The following FHIT variants were observed in gnomAD, a reference collection of about 807,000 sequenced individuals.
The protein encoded by FHIT is fragile histidine triad diadenosine triphosphatase, also known as bis(5'-adenosyl)-triphosphatase.
Under a neutral mutation model 17.9 loss-of-function variants are expected in FHIT, and 19 were observed. The observed-to-expected ratio is 1.06, with a 90% CI of 0.74 to 1.56. The LOEUF is 1.56. Among genes scored for constraint, FHIT ranks in the 40% most tolerant of loss-of-function variants. The probability of loss-of-function intolerance (pLI) is 0.00; values close to 1 mark genes in which losing one functional copy is unlikely to be tolerated. For synonymous variants in FHIT, 81 were observed against 69.7 expected (o/e 1.16, Z -0.81); for missense variants, 248 against 189.2 (o/e 1.31, Z -1.82).
intron 5 of FHIT, among the ~76,000 whole-genome samples, chr3:60,327,771 T>C (rs1383085895): frequency 2.0e-5 from 3 of 152,204 alleles, no homozygotes; most frequent in Non-Finnish European, 4.4e-5. Flanking sequence ...TCTGCTGTCC[T>C]GACTAAATGA....
intron 5 of FHIT, among the ~76,000 whole-genome samples, chr3:60,015,920 A>G (rs1187768713): frequency 6.6e-6 from 1 of 152,218 alleles, no homozygotes; most frequent in Non-Finnish European, 1.5e-5. Flanking sequence ...TCCTAGAAAA[A>G]CAACTCAGGG....
At chr3:61,015,067 A>C (rs2032032008) in intron 3 of FHIT, among the ~76,000 whole-genome samples, 1 of 151,812 alleles carries the variant, frequency 6.6e-6, no homozygotes, top group Non-Finnish European at 1.5e-5. Context: ...TCCTAGACAA[A>C]ATGGGGCCTG....
chr3:60,230,077 G>A (rs761842559), intron 5 of FHIT, among the ~76,000 whole-genome samples: 59 of 152,058 alleles, frequency 3.9e-4, no homozygotes, highest in Non-Finnish European at 7.1e-4. Context: ...GTTCAATACC[G>A]TGGCCACTAG....
At chr3:60,130,694 G>T (rs1699504610) in intron 5 of FHIT, among the ~76,000 whole-genome samples, 1 of 151,670 alleles carries the variant, frequency 6.6e-6, no homozygotes, top group African/African-American at 2.4e-5. Context: ...ACTTGAAAGG[G>T]CATCAGTAAG....
chr3:60,206,523 C>T (rs1243133531), intron 5 of FHIT, among the ~76,000 whole-genome samples: 1 of 151,978 alleles, frequency 6.6e-6, no homozygotes, highest in Non-Finnish European at 1.5e-5. Context: ...AAAAAAAACA[C>T]AAGACTATAA....
At chr3:60,472,906 C>G (rs4679478) in intron 5 of FHIT, among the ~76,000 whole-genome samples, 1 of 151,848 alleles carries the variant, frequency 6.6e-6, no homozygotes, top group Non-Finnish European at 1.5e-5. Flanking sequence ...ACAAATGCCT[C>G]AAATACCATT....
At chr3:60,407,167 T>C (rs1374954161) in intron 5 of FHIT, among the ~76,000 whole-genome samples, 1 of 143,972 alleles carries the variant, frequency 6.9e-6, no homozygotes, top group East Asian at 2.1e-4. Flanking sequence ...GTAAAAACAC[T>C]GTAACACACT....
At chr3:59,931,455 T>C (rs933195235) in intron 7 of FHIT, among the ~76,000 whole-genome samples, 1 of 152,174 alleles carries the variant, frequency 6.6e-6, no homozygotes, top group African/African-American at 2.4e-5. Flanking sequence ...TACCTCAGCA[T>C]GATCAACTCA....
At chr3:60,311,908 G>C (rs1024264570) in intron 5 of FHIT, among the ~76,000 whole-genome samples, 7 of 151,502 alleles carry the variant, frequency 4.6e-5, no homozygotes, top group Admixed American at 2.0e-4. Flanking sequence ...TTTTACAGTT[G>C]AGAAAATCAA....
intron 5 of FHIT, among the ~76,000 whole-genome samples, chr3:60,255,588 C>A (rs1705947063): frequency 6.6e-6 from 1 of 152,144 alleles, no homozygotes; most frequent in Non-Finnish European, 1.5e-5. Flanking sequence ...TTTCCAAAAG[C>A]CGCCCCAAAT....
At chr3:61,246,935 T>C (rs546274042) in intron 1 of FHIT, among the ~76,000 whole-genome samples, 1 of 152,138 alleles carries the variant, frequency 6.6e-6, no homozygotes, top group African/African-American at 2.4e-5. Flanking sequence ...TCTCTCCACC[T>C]CCTCCAGCCA....
intron 5 of FHIT, among the ~76,000 whole-genome samples, chr3:60,118,775 G>T (rs1223925000): frequency 2.9e-3 from 101 of 34,512 alleles, no homozygotes; most frequent in African/African-American, 0.013. Flanking sequence ...TGGGGGCGGC[G>T]GGGGGGGGGG....
At chr3:60,354,620 A>T (rs1194766252) in intron 5 of FHIT, among the ~76,000 whole-genome samples, 1 of 113,562 alleles carries the variant, frequency 8.8e-6, no homozygotes. Flanking sequence ...TATTGAGAGG[A>T]TTAGCTCACT....
intron 2 of FHIT, among the ~76,000 whole-genome samples, chr3:61,077,488 A>AC (rs1030381499): frequency 2.1e-4 from 32 of 150,530 alleles, no homozygotes; most frequent in African/African-American, 2.5e-4. Flanking sequence ...AAACAAACAA[A>AC]AAAAAACAGC....
intron 5 of FHIT, among the ~76,000 whole-genome samples, chr3:60,466,794 T>C (rs2032817913): frequency 6.6e-6 from 1 of 151,150 alleles, no homozygotes; most frequent in African/African-American, 2.4e-5. Context: ...GATTTTTGCA[T>C]CTATATTCAT....
chr3:60,554,104 A>G (rs753987549), intron 4 of FHIT, among the ~76,000 whole-genome samples: 3 of 152,138 alleles, frequency 2.0e-5, no homozygotes, highest in Admixed American at 6.6e-5. Context: ...AAAAAGAAAA[A>G]AAACGTATCA....
intron 4 of FHIT, among the ~76,000 whole-genome samples, chr3:60,805,562 T>G (rs1701353233): frequency 6.6e-6 from 1 of 152,042 alleles, no homozygotes; most frequent in South Asian, 2.1e-4. Flanking sequence ...TTTTATTTAT[T>G]TATTTATTTT....
intron 7 of FHIT, among the ~76,000 whole-genome samples, chr3:59,928,473 A>G (rs776358239): frequency 2.6e-5 from 4 of 152,234 alleles, no homozygotes; most frequent in Admixed American, 2.6e-4. Context: ...ACTGGCAGAA[A>G]GGATTTGCAA....
At chr3:60,130,874 T>C (rs1407601707) in intron 5 of FHIT, among the ~76,000 whole-genome samples, 2 of 122,094 alleles carry the variant, frequency 1.6e-5, no homozygotes, top group Non-Finnish European at 3.5e-5. Context: ...TATAGACACG[T>C]ATACATGTAT....
Sources: allele counts gnomAD v4.1 joint callset (sites outside exome capture counted in the v4.1 genomes callset), GRCh38; gene constraint gnomAD v4.1.1; transcripts MANE v1.5; gene names NCBI Gene and HGNC (gene_info 2026-07-23, HGNC 2026-07-21).